Variants in CHRM3 observed in about 807,000 individuals in gnomAD.
The protein encoded by CHRM3 is cholinergic receptor muscarinic 3.
Under a neutral mutation model 41.8 loss-of-function variants are expected in CHRM3, and 11 were observed. The observed-to-expected ratio is 0.26, with a 90% confidence interval of 0.17 to 0.44. CHRM3 has a LOEUF of 0.44. Ranked by LOEUF, CHRM3 falls within the 20% of genes least tolerant of loss-of-function variation. CHRM3 has a pLI of 1.00. For synonymous variants in CHRM3, 297 were observed against 301.4 expected, an observed-to-expected ratio of 0.99 and a Z score of 0.15; for missense variants, 571 against 745.4, an observed-to-expected ratio of 0.77 and a Z score of 2.72.
intron 1 of CHRM3, among the ~76,000 whole-genome samples, chr1:239,391,220 T>C (rs6429136): frequency 0.18 from 27,225 of 152,180 alleles, 3,544 homozygotes; most frequent in African/African-American, 0.35. Context: ...ATGTGATAAC[T>C]GTGTGACCTC....
chr1:239,588,444 T>C (rs912545878), intron 3 of CHRM3, among the ~76,000 whole-genome samples: 19 of 152,326 alleles, frequency 1.2e-4, no homozygotes, highest in Middle Eastern at 3.4e-3. Flanking sequence ...TGAATGCTCA[T>C]TAATTCAATG....
intron 5 of CHRM3, among the ~76,000 whole-genome samples, chr1:239,793,803 A>ATGTTTTTTTTTT (rs1669531122): frequency 2.9e-5 from 2 of 69,496 alleles, no homozygotes; most frequent in Non-Finnish European, 4.9e-5. Flanking sequence ...TGAAATGTGT[A>ATGTTTTTTTTTT]TTTTTTTTTT....
chr1:239,412,473 C>G (rs1225371209), intron 1 of CHRM3, among the ~76,000 whole-genome samples: 1 of 148,094 alleles, frequency 6.8e-6, no homozygotes, highest in African/African-American at 2.5e-5. Flanking sequence ...ACTCATCCCC[C>G]CGCCACCATT....
At chr1:239,585,111 A>G (rs573813888) in intron 3 of CHRM3, among the ~76,000 whole-genome samples, 4 of 151,444 alleles carry the variant, frequency 2.6e-5, no homozygotes, top group Non-Finnish European at 4.4e-5. Flanking sequence ...ATACACATGT[A>G]TACATATACA....
intron 4 of CHRM3, among the ~76,000 whole-genome samples, chr1:239,655,444 A>G (rs1251214357): frequency 6.6e-6 from 1 of 152,222 alleles, no homozygotes; most frequent in East Asian, 1.9e-4. Context: ...AGATTTTTGC[A>G]TCTGTCGAAT....
intron 4 of CHRM3, among the ~76,000 whole-genome samples, chr1:239,663,579 A>G (rs16838633): frequency 3.5e-3 from 531 of 152,336 alleles, no homozygotes; most frequent in African/African-American, 0.012. Context: ...TTGTATTTTT[A>G]AAGCACAATA....
intron 2 of CHRM3, among the ~76,000 whole-genome samples, chr1:239,532,815 A>C (rs1169251349): frequency 3.3e-5 from 5 of 152,182 alleles, no homozygotes; most frequent in Non-Finnish European, 7.4e-5. Flanking sequence ...TCTATGCATA[A>C]TCACCTCTAA....
chr1:239,783,647 C>T lies in CHRM3; in HGVS notation c.-146-43605C>T, dbSNP rs540758715. ...TGAACAAGATTAATAAAAACAGACT[C>T]AAATTTAGATACATGTGAATGACAT... On this transcript the variant is annotated intron_variant, in intron 5 of 6. Coordinates refer to ENST00000676153, the MANE Select transcript of CHRM3 (RefSeq NM_001375978.1). Among the ~76,000 whole-genome samples, 81 of 152,176 alleles carry T rather than the reference C, an allele frequency of 5.3e-4. 1 individual carries two copies. Among genetic ancestry groups the T allele is most frequent in the African/African-American group, 1.9e-3 (80 of 41,510 alleles).
chr1:239,677,070 T>A (rs1442852193), intron 4 of CHRM3, among the ~76,000 whole-genome samples: 1 of 152,140 alleles, frequency 6.6e-6, no homozygotes, highest in Non-Finnish European at 1.5e-5. Flanking sequence ...ATCACTCTCC[T>A]ACACTGCATA....
chr1:239,757,515 A>G (rs143075866), intron 5 of CHRM3, among the ~76,000 whole-genome samples: 3,521 of 152,008 alleles, frequency 0.023, 120 homozygotes, highest in East Asian at 0.14. Context: ...CTGTAGTCCC[A>G]GGTACTCGGG....
At chr1:239,519,833 C>T (rs1197463250) in intron 2 of CHRM3, among the ~76,000 whole-genome samples, 5 of 148,094 alleles carry the variant, frequency 3.4e-5, no homozygotes, top group African/African-American at 7.6e-5. Flanking sequence ...CTGCAAGCTC[C>T]GCCTCCCGGG....
chr1:239,691,745 A>T (rs1659742011), intron 5 of CHRM3, among the ~76,000 whole-genome samples: 1 of 152,140 alleles, frequency 6.6e-6, no homozygotes, highest in South Asian at 2.1e-4. Flanking sequence ...AATGTCTCCT[A>T]ATTTAGATAT....
At chr1:239,837,737 T>A (rs1018675330) in intron 6 of CHRM3, among the ~76,000 whole-genome samples, 1 of 152,194 alleles carries the variant, frequency 6.6e-6, no homozygotes, top group Admixed American at 6.6e-5. Context: ...CTTTACCTGT[T>A]TATCTCCAAT....
intron 1 of CHRM3, among the ~76,000 whole-genome samples, chr1:239,393,753 CT>C (rs1346721781): frequency 1.3e-5 from 2 of 152,172 alleles, no homozygotes; most frequent in Non-Finnish European, 2.9e-5. Context: ...ACTCTGAATA[CT>C]AGTGGCACTC....
At chr1:239,418,607 A>G (rs1661691980) in intron 1 of CHRM3, among the ~76,000 whole-genome samples, 1 of 152,180 alleles carries the variant, frequency 6.6e-6, no homozygotes, top group East Asian at 1.9e-4. Context: ...TTTCACTTCT[A>G]GCAAACATTT....
At chr1:239,408,471 C>A (rs1164285685) in intron 1 of CHRM3, among the ~76,000 whole-genome samples, 1 of 143,532 alleles carries the variant, frequency 7.0e-6, no homozygotes, top group Non-Finnish European at 1.5e-5. Context: ...TTGCAGTGAG[C>A]CAAGATGGCG....
intron 3 of CHRM3, among the ~76,000 whole-genome samples, chr1:239,573,942 T>C (rs1662083670): frequency 6.6e-6 from 1 of 152,130 alleles, no homozygotes; most frequent in South Asian, 2.1e-4. Flanking sequence ...TAGTAATTTC[T>C]CTATTTAGTT....
intron 3 of CHRM3, among the ~76,000 whole-genome samples, chr1:239,570,398 G>T (rs1433190847): frequency 6.6e-6 from 1 of 152,102 alleles, no homozygotes; most frequent in African/African-American, 2.4e-5. Flanking sequence ...TTTCTTTATA[G>T]CAGCGTGATA....
chr1:239,439,926 G>A (rs1479362794), intron 1 of CHRM3, among the ~76,000 whole-genome samples: 2 of 152,178 alleles, frequency 1.3e-5, no homozygotes, highest in Non-Finnish European at 2.9e-5. Context: ...ATGGCCGGGA[G>A]CAGTGGCTCA....
Sources: gnomAD v4.1 joint callset for allele counts (sites outside exome capture counted in the v4.1 genomes callset) on GRCh38, gnomAD v4.1.1 for gene constraint, MANE v1.5 for transcripts, NCBI Gene and HGNC (gene_info 2026-07-23, HGNC 2026-07-21) for gene names.